The following CCDC60 variants were observed in gnomAD, a reference collection of about 807,000 sequenced individuals.
CCDC60 encodes the protein coiled-coil domain-containing protein 60.
In CCDC60, 54 loss-of-function variants were observed where a neutral mutation model predicts 63.5. The observed-to-expected ratio is 0.85, with a 90% CI of 0.68 to 1.07. The LOEUF (loss-of-function observed/expected upper bound fraction) is 1.07. Among genes scored for constraint, CCDC60 ranks in the 50% least tolerant of loss-of-function variants. The probability of loss-of-function intolerance (pLI) is 0.00; values close to 1 mark genes in which losing one functional copy is unlikely to be tolerated. For synonymous variants in CCDC60, 206 were observed against 238.8 expected (o/e 0.86, Z 1.27); for missense variants, 651 against 684.3 (o/e 0.95, Z 0.54).
At chr12:119,455,237 ACTT>A (rs1370660793) in intron 2 of CCDC60, among the ~76,000 whole-genome samples, 1 of 152,276 alleles carries the variant, frequency 6.6e-6, no homozygotes, top group African/African-American at 2.4e-5. Context: ...GGCAACTGGC[ACTT>A]TCTGTCATTG....
At chr12:119,425,788 C>T (rs1448013510) in intron 1 of CCDC60, among the ~76,000 whole-genome samples, 2 of 152,202 alleles carry the variant, frequency 1.3e-5, no homozygotes, top group Non-Finnish European at 2.9e-5. Flanking sequence ...AAAATGCTTG[C>T]ATCTCATTTG....
chr12:119,337,984 T>C (rs1955491448), intron 1 of CCDC60, among the ~76,000 whole-genome samples: 2 of 151,952 alleles, frequency 1.3e-5, no homozygotes. Flanking sequence ...GAAATGATCA[T>C]CTCTTTCTTG....
intron 2 of CCDC60, among the ~76,000 whole-genome samples, chr12:119,468,474 T>C (rs1345125560): frequency 6.6e-6 from 1 of 152,286 alleles, no homozygotes; most frequent in Non-Finnish European, 1.5e-5. Flanking sequence ...GATCCTTGCC[T>C]GCAACTGACT....
rs1950321198 is a variant in CCDC60, at chr12:119,436,202, T to C, written c.170+7440T>C. 2.6e-5 allele frequency among the ~76,000 whole-genome samples: 4 copies of C among 152,308 alleles called. No homozygotes were observed. The South Asian group carries it at 8.3e-4, about 32-fold the overall frequency. The stretch of plus-strand genomic sequence containing the variant: ...ATGATGGAGATTTGGGTCCATTTTT[T>C]CAGTCTACCACAATCATACAGCTAA... On this transcript the variant is annotated intron_variant, in intron 2 of 13. Transcript: ENST00000327554.
At position 119,540,726 on chromosome 12, in the gene CCDC60, GGTTGACCAGCT is replaced by G; in HGVS notation, c.*14_*24del. On this transcript the variant is annotated 3_prime_UTR_variant, in exon 14 of 14. Transcript: ENST00000327554. ...AGCGCCCTGAGGTAGGCTGGGCCTG[GGTTGACCAGCT>G]GTCTCAGTGGAGGAGTGTTTGCCTA... The G allele has an allele frequency of 8.8e-6, 14 of 1,586,278 alleles. No individual in the cohort carries two copies. Among genetic ancestry groups the G allele is most frequent in the Non-Finnish European group, 1.1e-5 (13 of 1,156,002 alleles).
At chr12:119,369,521 G>A (rs1955877147) in intron 1 of CCDC60, among the ~76,000 whole-genome samples, 1 of 152,176 alleles carries the variant, frequency 6.6e-6, no homozygotes, top group Non-Finnish European at 1.5e-5. Context: ...TAAGCTCCCT[G>A]GAAATCATCT....
chr12:119,508,342 A>G (rs1333890227), intron 7 of CCDC60, among the ~76,000 whole-genome samples: 1 of 151,954 alleles, frequency 6.6e-6, no homozygotes, highest in Non-Finnish European at 1.5e-5. Context: ...TTAGCTGGGC[A>G]TGGTGGCATG....
chr12:119,502,184 T>C (rs972488662), intron 6 of CCDC60, among the ~76,000 whole-genome samples: 5 of 152,202 alleles, frequency 3.3e-5, no homozygotes, highest in Non-Finnish European at 5.9e-5. Context: ...GAAGAACCTC[T>C]GTGCAGCTTT....
At chr12:119,367,112 C>T (rs956470025) in intron 1 of CCDC60, among the ~76,000 whole-genome samples, 2 of 152,142 alleles carry the variant, frequency 1.3e-5, no homozygotes, top group African/African-American at 4.8e-5. Flanking sequence ...GGATTACAGG[C>T]GTGAGCCACC....
chr12:119,342,156 C>G (rs1011763107), intron 1 of CCDC60, among the ~76,000 whole-genome samples: 2 of 152,198 alleles, frequency 1.3e-5, no homozygotes, highest in East Asian at 3.8e-4. Flanking sequence ...AGGCCCAAGG[C>G]CCTTTCCCTC....
chr12:119,502,696 G>A (rs1410243058), intron 6 of CCDC60, among the ~76,000 whole-genome samples: 3 of 152,220 alleles, frequency 2.0e-5, no homozygotes, highest in African/African-American at 7.2e-5. Context: ...AGACACCCCT[G>A]GATATGGAAG....
At chr12:119,383,703 T>G (rs1010882010) in intron 1 of CCDC60, among the ~76,000 whole-genome samples, 2 of 152,200 alleles carry the variant, frequency 1.3e-5, no homozygotes, top group Non-Finnish European at 2.9e-5. Context: ...CCATGAGATT[T>G]CCTACATTTT....
intron 1 of CCDC60, among the ~76,000 whole-genome samples, chr12:119,371,175 A>T (rs1955894406): frequency 6.6e-6 from 1 of 152,170 alleles, no homozygotes; most frequent in Admixed American, 6.5e-5. Flanking sequence ...AACCACCATC[A>T]CTGGGGACTT....
At chr12:119,344,851 TCTCTCACACA>T (rs1365332551) in intron 1 of CCDC60, among the ~76,000 whole-genome samples, 2 of 107,580 alleles carry the variant, frequency 1.9e-5, no homozygotes, top group Non-Finnish European at 3.7e-5. Context: ...TCTCTCTCTC[TCTCTCACACA>T]CACACACACA....
intron 1 of CCDC60, among the ~76,000 whole-genome samples, chr12:119,349,930 T>A (rs986512192): frequency 6.6e-6 from 1 of 152,206 alleles, no homozygotes; most frequent in African/African-American, 2.4e-5. Flanking sequence ...CAGTGCCTTT[T>A]CTGCTCACCC....
intron 4 of CCDC60, among the ~76,000 whole-genome samples, chr12:119,482,974 C>A (rs1453974727): frequency 3.9e-5 from 6 of 152,120 alleles, no homozygotes; most frequent in Non-Finnish European, 8.8e-5. Flanking sequence ...GTTCCAAGAA[C>A]AAGATCCTAA....
intron 1 of CCDC60, among the ~76,000 whole-genome samples, chr12:119,349,122 A>G (rs1371667708): frequency 6.6e-6 from 1 of 152,142 alleles, no homozygotes; most frequent in Non-Finnish European, 1.5e-5. Flanking sequence ...ATTTTTAACC[A>G]TTATGCTGTA....
At chr12:119,461,363 G>A (rs934891624) in intron 2 of CCDC60, among the ~76,000 whole-genome samples, 9 of 152,132 alleles carry the variant, frequency 5.9e-5, no homozygotes, top group African/African-American at 2.2e-4. Flanking sequence ...GTAGAGTCCA[G>A]CCAGAGGCAA....
Position 119,488,782 on chromosome 12 carries a change from G to A in CCDC60, c.473G>A (p.Cys158Tyr). The change falls in exon 5 of 14, where the codon TGT (cysteine) becomes TAT (tyrosine). Residue 158 changes from cysteine to tyrosine, a missense_variant. Coordinates refer to ENST00000327554, the MANE Select transcript of CCDC60 (RefSeq NM_178499.5). ...AHVEPLFRQL[C>Y]ALHWLLEALT... ...AGCGAGCCCCTCTTCCGCCAGCTCT[G>A]TGCTCTCCACTGGCTTCTGGAGGCC... 1 of 1,614,132 alleles carries A rather than the reference G, an allele frequency of 6.2e-7. No individual in the cohort carries two copies. Among genetic ancestry groups the A allele is most frequent in the Non-Finnish European group, 8.5e-7 (1 of 1,180,016 alleles).
Sources: gnomAD v4.1 joint callset for allele counts (sites outside exome capture counted in the v4.1 genomes callset) on GRCh38, gnomAD v4.1.1 for gene constraint, MANE v1.5 for transcripts, NCBI Gene and HGNC (gene_info 2026-07-23, HGNC 2026-07-21) for gene names.